Variants in KCNQ5 observed in about 807,000 individuals in gnomAD.
KCNQ5 encodes the protein potassium voltage-gated channel subfamily Q member 5.
Under a neutral mutation model 98.2 loss-of-function variants are expected in KCNQ5, and 30 were observed. The ratio of observed to expected loss-of-function variants is 0.31; its 90% CI spans 0.23 to 0.41. The LOEUF (loss-of-function observed/expected upper bound fraction) is 0.41, where lower values mean the gene tolerates loss of function less well. KCNQ5 is among the 10% of genes least tolerant of loss of function. KCNQ5 has a pLI of 1.00. For missense variants in KCNQ5, 835 were observed against 1,182.5 expected (o/e 0.71, Z 4.31); for synonymous variants, 458 against 449.4 (o/e 1.02, Z -0.24).
intron 1 of KCNQ5, among the ~76,000 whole-genome samples, chr6:72,890,325 T>C (rs1436032513): frequency 2.0e-5 from 3 of 151,230 alleles, no homozygotes; most frequent in Admixed American, 1.3e-4. Flanking sequence ...CCTCTTAACA[T>C]ACTTTAAAGG....
intron 11 of KCNQ5, among the ~76,000 whole-genome samples, chr6:73,172,929 A>T (rs985317816): frequency 1.3e-5 from 2 of 152,226 alleles, no homozygotes; most frequent in Admixed American, 6.5e-5. Context: ...CTTCACAAAG[A>T]GCAAAGTAAG....
chr6:72,727,109 G>A (rs1027549023), intron 1 of KCNQ5, among the ~76,000 whole-genome samples: 3 of 152,210 alleles, frequency 2.0e-5, no homozygotes, highest in Non-Finnish European at 4.4e-5. Context: ...TCTTGAAATT[G>A]AGTAAATGTA....
chr6:72,799,319 C>T (rs187151495), intron 1 of KCNQ5, among the ~76,000 whole-genome samples: 2 of 152,266 alleles, frequency 1.3e-5, no homozygotes, highest in East Asian at 3.9e-4. Flanking sequence ...AGGTAATCTC[C>T]TTTGCTTAAA....
intron 1 of KCNQ5, among the ~76,000 whole-genome samples, chr6:72,839,176 C>T (rs1250031916): frequency 6.6e-6 from 1 of 151,902 alleles, no homozygotes; most frequent in Non-Finnish European, 1.5e-5. Context: ...AACAACCATA[C>T]AGTTCTTGTG....
At chr6:72,973,805 G>A (rs1035280169) in intron 1 of KCNQ5, among the ~76,000 whole-genome samples, 7 of 152,164 alleles carry the variant, frequency 4.6e-5, no homozygotes, top group African/African-American at 1.7e-4. Context: ...TGGGAACTTA[G>A]TTCTGCCAAA....
intron 1 of KCNQ5, among the ~76,000 whole-genome samples, chr6:72,961,252 C>T (rs951674845): frequency 6.6e-6 from 1 of 152,122 alleles, no homozygotes; most frequent in South Asian, 2.1e-4. Flanking sequence ...ACACAAAATA[C>T]ACATTTATAA....
intron 10 of KCNQ5, among the ~76,000 whole-genome samples, chr6:73,160,929 C>A (rs143094403): frequency 6.9e-4 from 105 of 152,164 alleles, no homozygotes; most frequent in Admixed American, 2.4e-3. Flanking sequence ...AAGGTTGAAA[C>A]CCACTGTAAT....
At chr6:72,788,085 G>A (rs2154478129) in intron 1 of KCNQ5, among the ~76,000 whole-genome samples, 1 of 152,274 alleles carries the variant, frequency 6.6e-6, no homozygotes, top group Non-Finnish European at 1.5e-5. Context: ...TAAGTGTTTG[G>A]TGGATGGGCT....
intron 1 of KCNQ5, among the ~76,000 whole-genome samples, chr6:72,727,730 C>G (rs1432383112): frequency 6.6e-6 from 1 of 152,126 alleles, no homozygotes; most frequent in Non-Finnish European, 1.5e-5. Flanking sequence ...ATTTCTTCCT[C>G]TCAGTTTGGG....
chr6:72,986,407 A>G, intron 1 of KCNQ5: 1 of 450,236 alleles, frequency 2.2e-6, no homozygotes, highest in Non-Finnish European at 4.0e-6. Context: ...CCAGAGAAGA[A>G]AAAGAAGAAG....
At chr6:73,074,683 A>T (rs1773446553) in intron 3 of KCNQ5, among the ~76,000 whole-genome samples, 1 of 151,316 alleles carries the variant, frequency 6.6e-6, no homozygotes, top group Non-Finnish European at 1.5e-5. Flanking sequence ...CGCTTTTTTC[A>T]TCTGTAAAAT....
chr6:73,103,460 G>A (rs1774873809), intron 5 of KCNQ5, among the ~76,000 whole-genome samples: 1 of 109,156 alleles, frequency 9.2e-6, no homozygotes, highest in South Asian at 2.6e-4. Flanking sequence ...ACAGGATGGG[G>A]AACATCACAT....
chr6:72,727,931 T>C (rs1253884947), intron 1 of KCNQ5, among the ~76,000 whole-genome samples: 1 of 152,148 alleles, frequency 6.6e-6, no homozygotes, highest in Non-Finnish European at 1.5e-5. Flanking sequence ...TCATTCTTCT[T>C]GGGCCAGGAG....
At chr6:72,973,143 T>A (rs976750306) in intron 1 of KCNQ5, among the ~76,000 whole-genome samples, 1 of 152,234 alleles carries the variant, frequency 6.6e-6, no homozygotes, top group African/African-American at 2.4e-5. Context: ...TCCCACTTTC[T>A]GCAATAAATG....
chr6:72,643,901 C>A (rs1007939149), intron 1 of KCNQ5, among the ~76,000 whole-genome samples: 1 of 151,958 alleles, frequency 6.6e-6, no homozygotes, highest in Non-Finnish European at 1.5e-5. Flanking sequence ...AAACATAAAA[C>A]TATGTTATTA....
chr6:72,730,167 A>C (rs1293287513), intron 1 of KCNQ5, among the ~76,000 whole-genome samples: 1 of 152,192 alleles, frequency 6.6e-6, no homozygotes, highest in Non-Finnish European at 1.5e-5. Flanking sequence ...TATATAAAGA[A>C]AGAAATAATA....
intron 1 of KCNQ5, among the ~76,000 whole-genome samples, chr6:72,746,654 T>A (rs1582213259): frequency 6.6e-6 from 1 of 152,236 alleles, no homozygotes; most frequent in East Asian, 1.9e-4. Flanking sequence ...ATTTTGACTC[T>A]AAGCAAAATC....
intron 1 of KCNQ5, among the ~76,000 whole-genome samples, chr6:72,770,352 A>G (rs1465654527): frequency 6.6e-6 from 1 of 152,136 alleles, no homozygotes; most frequent in African/African-American, 2.4e-5. Flanking sequence ...GTTAAAGATG[A>G]TAAAGCATTG....
chr6:72,816,297 C>T (rs897570340), intron 1 of KCNQ5, among the ~76,000 whole-genome samples: 2 of 152,122 alleles, frequency 1.3e-5, no homozygotes, highest in African/African-American at 4.8e-5. Flanking sequence ...AAGGCATGAA[C>T]AGGTGGTGAG....
Sources: allele counts gnomAD v4.1 joint callset (sites outside exome capture counted in the v4.1 genomes callset), GRCh38; gene constraint gnomAD v4.1.1; transcripts MANE v1.5; gene names NCBI Gene and HGNC (gene_info 2026-07-23, HGNC 2026-07-21).